Variants in DNAH5 observed in about 807,000 individuals in gnomAD.
DNAH5 encodes the protein axonemal beta dynein heavy chain 5.
A neutral mutation model predicts 518.2 loss-of-function variants in DNAH5; 372 were observed. The ratio of observed to expected loss-of-function variants is 0.72; its 90% CI spans 0.66 to 0.78. The LOEUF (loss-of-function observed/expected upper bound fraction) is 0.78. DNAH5 is among the 30% of genes least tolerant of loss of function. DNAH5 has a pLI of 0.00. For missense variants in DNAH5, 5,523 were observed against 5,687.0 expected (o/e 0.97, Z 0.93); for synonymous variants, 2,039 against 2,025.9 (o/e 1.01, Z -0.17).
At chr5:13,793,368 A>T in intron 49 of DNAH5, 147 bp downstream of exon 49, 1 of 708,490 alleles carries the variant, frequency 1.4e-6, no homozygotes, top group Non-Finnish European at 2.5e-6. Context: ...ATAGGAAATG[A>T]AATACACTGC....
chr5:13,966,226 T>C (rs1032563778), intron 1 of DNAH5, among the ~76,000 whole-genome samples: 2 of 152,162 alleles, frequency 1.3e-5, no homozygotes, highest in Admixed American at 6.5e-5. Context: ...TGTGTATGTG[T>C]GTATATATAT....
intron 76 of DNAH5, among the ~76,000 whole-genome samples, chr5:13,704,282 C>T (rs1209555477): frequency 7.0e-6 from 1 of 142,746 alleles, no homozygotes. Flanking sequence ...AGGGACCACA[C>T]ACTCTCTTCT....
At chr5:13,768,610 T>C (rs1042302569) in intron 58 of DNAH5, among the ~76,000 whole-genome samples, 1 of 152,184 alleles carries the variant, frequency 6.6e-6, no homozygotes, top group Non-Finnish European at 1.5e-5. Context: ...ACCTACTCCA[T>C]TGGCCTCAAT....
chr5:13,750,855 G>A lies in DNAH5; in HGVS notation c.11211+223C>T, dbSNP rs117272959. 6.8e-4 allele frequency among the ~76,000 whole-genome samples: 104 copies of A among 152,132 alleles called. 1 individual carries two copies. In the East Asian group the frequency reaches 0.018, roughly 26 times the overall value. On this transcript the variant is annotated intron_variant, in intron 65 of 78. Transcript: ENST00000265104. ...ATCATCAGTCTGTATAAAGGCAATC[G>A]ATGACATACGTAATTTATGAGACAT... is the stretch of plus-strand genomic sequence containing the variant.
rs371704598 is a variant in DNAH5, at chr5:13,901,558, A to T, written c.1746T>A (p.Asn582Lys). 1.2e-5 allele frequency: 20 copies of T among 1,611,278 alleles called. No individual in the cohort carries two copies. The highest frequency in any genetic ancestry group is 1.7e-5 in the Non-Finnish European group (20 of 1,178,264). ...GTTGATATTTGTCATCAATACCAAG[A>T]TTAGGTATATTCAATCTGATTTTTT... ...LKKFERLNIP[N>K]LGIDDKYQLI... Residue 582 changes from asparagine to lysine, a missense_variant, in exon 14 of 79, where the codon AAT becomes AAA. Transcript: ENST00000265104.
rs117622889 is a variant in DNAH5 at position 13,869,936 on chromosome 5, G to A, written c.3834+831C>T. Among the ~76,000 whole-genome samples the A allele has an allele frequency of 1.1e-3, 166 of 152,182 alleles. 6 individuals carry two copies. In the East Asian group the frequency reaches 0.026, roughly 24 times the overall value. On this transcript the variant is annotated intron_variant, in intron 24 of 78. Transcript: ENST00000265104. Reference sequence around the variant, plus strand: ...TGTTTACTCAAGTGAATCTATTCAAGGGTGTCTGCTTGTAATGAAATCAAC... The same window carrying A: ...TGTTTACTCAAGTGAATCTATTCAAAGGTGTCTGCTTGTAATGAAATCAAC...
In DNAH5 at chr5:13,891,016, T is replaced by C. The variant is rs753950316; in HGVS notation, c.2537A>G (p.Glu846Gly). 4 of 1,614,196 alleles carry C rather than the reference T, an allele frequency of 2.5e-6. No individual in the cohort carries two copies. The South Asian group carries it at 3.3e-5, about 13-fold the overall frequency. The change falls in exon 17 of 79, where the codon GAG becomes GGG. Residue 846 changes from glutamate (E) to glycine (G), a missense_variant. This residue lies in a region of DNAH5 where 5,121 missense variants were observed against 5,223.3 expected (regional missense o/e 0.98). Coordinates refer to ENST00000265104, the MANE Select transcript of DNAH5 (RefSeq NM_001369.3). ...SSTPLCQLPQ[E>G]EPLTCEEFLQ... ...AAACTCTTCACAGGTTAGTGGCTCC[T>C]CCTGGGGAAGCTGACAAAGAGGCGT...
At position 13,871,688 on chromosome 5, in the gene DNAH5, T is replaced by C. The variant is rs1770126679; in HGVS notation, c.3474A>G (p.Thr1158=). The C allele has an allele frequency of 3.1e-6, 5 of 1,613,732 alleles. No individual in the cohort carries two copies. Among genetic ancestry groups the C allele is most frequent in the Admixed American group, 3.3e-5 (2 of 59,920 alleles). ...AAAGCAAGGGGCTCTGTGTAATAAA[T>C]GTCTTAATGGCTTCTTCTTTTCCCT... The part of the protein sequence containing the change: ...WQKGKEEAIK[T]FITQSPLLSE... The change falls in exon 23 of 79, where the codon ACA becomes ACG. Residue 1158 remains threonine (T), a synonymous_variant. Transcript: ENST00000265104.
In DNAH5 at chr5:14,008,721, T is replaced by A. The variant is rs149995186; in HGVS notation, c.12+2927A>T. 5.2e-4 allele frequency among the ~76,000 whole-genome samples: 79 copies of A among 152,002 alleles called. No homozygotes were observed. The East Asian group carries it at 0.015, about 29-fold the overall frequency. On this transcript the variant is annotated intron_variant, in intron 1 of 78. Coordinates refer to the DNAH5 transcript ENST00000681290. ...GAGGAAGAAAAGAAGAAAGGAAAGG[T>A]CATATTCCCCAGAACCTTTCCACAG... is the stretch of plus-strand genomic sequence containing the variant.
chr5:13,877,103 C>G (rs1418539558), intron 21 of DNAH5, among the ~76,000 whole-genome samples: 1 of 152,186 alleles, frequency 6.6e-6, no homozygotes, highest in African/African-American at 2.4e-5. Context: ...CACTGCCGCT[C>G]TCTGGCTATA....
chr5:13,960,840 C>T (rs10077166), intron 1 of DNAH5, among the ~76,000 whole-genome samples: 41,374 of 152,156 alleles, frequency 0.27, 6,000 homozygotes, highest in East Asian at 0.59. Context: ...ACATAGGTGC[C>T]CACGTGTGCC....
intron 61 of DNAH5, among the ~76,000 whole-genome samples, chr5:13,754,908 G>A (rs767181973): frequency 9.2e-5 from 14 of 151,974 alleles, no homozygotes; most frequent in Non-Finnish European, 1.8e-4. Flanking sequence ...GGAAGGCTGC[G>A]AGGTGGGCGG....
Position 13,867,932 on chromosome 5 carries a change from C to T in DNAH5, c.3895G>A (p.Val1299Ile). ...LLIAREEIDKVDTLHYAWEKL... is the reference protein window; with the variant it reads ...LLIAREEIDKIDTLHYAWEKL... ...TCCCAAGCATAGTGCAGTGTATCAA[C>T]TTTGTCTATCTCTTCCCTTGCTATC... The change falls in exon 25 of 79, where the codon GTT becomes ATT. Residue 1299 changes from valine to isoleucine, a missense_variant. Val to Ile is a conservative substitution (Grantham distance 29). This residue lies in a region of DNAH5 where 5,121 missense variants were observed against 5,223.3 expected (regional missense o/e 0.98). Transcript: ENST00000265104. 6.2e-7 allele frequency: 1 copy of T among 1,614,076 alleles called. No homozygotes were observed. Among genetic ancestry groups the T allele is most frequent in the South Asian group, 1.1e-5 (1 of 91,086 alleles).
At chr5:14,006,038 C>G (rs1463555277) in intron 1 of DNAH5, among the ~76,000 whole-genome samples, 3 of 135,960 alleles carry the variant, frequency 2.2e-5, no homozygotes, top group African/African-American at 8.2e-5. Flanking sequence ...AGACCCACAC[C>G]TTTTGTCTTG....
chr5:13,717,331 T>C lies in DNAH5; in HGVS notation c.12689A>G (p.Asp4230Gly). ...TVQFIQNHLDDMDVKKGVSWT... is the reference protein window; with the variant it reads ...TVQFIQNHLDGMDVKKGVSWT... ...CGGCAGTACCTTTTTGACATCCATG[T>C]CATCCAAGTGGTTTTGGATGAACTG... The change falls in exon 73 of 79, where the codon GAC (aspartate) becomes GGC (glycine). Residue 4230 changes from aspartate to glycine, a missense_variant. Around this residue, in one of 3 missense-constraint regions of DNAH5, gnomAD observed 5,121 missense variants for 5,223.3 expected, o/e 0.98. Coordinates refer to ENST00000265104, the MANE Select transcript of DNAH5 (RefSeq NM_001369.3). The C allele has an allele frequency of 2.5e-6, 4 of 1,613,916 alleles. No homozygotes were observed. The highest frequency in any genetic ancestry group is 1.1e-5 in the South Asian group (1 of 91,016).
chr5:13,725,073 G>A (rs555581796), intron 70 of DNAH5, among the ~76,000 whole-genome samples: 1 of 152,302 alleles, frequency 6.6e-6, no homozygotes, highest in South Asian at 2.1e-4. Flanking sequence ...CAGGTTTTAG[G>A]AACAGATCAG....
Position 13,721,111 on chromosome 5 carries a change from T to G in DNAH5, c.12168A>C (p.Thr4056=), listed in dbSNP as rs1443133607. 5 of 1,614,142 alleles carry G rather than the reference T, an allele frequency of 3.1e-6. No homozygotes were observed. In the South Asian group the frequency reaches 5.5e-5, roughly 18 times the overall value. The change falls in exon 71 of 79, where the codon ACA becomes ACC. Residue 4056 remains threonine (T), a synonymous_variant. Coordinates refer to ENST00000265104, the MANE Select transcript of DNAH5 (RefSeq NM_001369.3). ...TCTTCCCCAAGGCAATGATGGAATC[T>G]GTGGGGTCTGAGCCCATAGACAGGA... is the stretch of plus-strand genomic sequence containing the variant. ...ICLLSMGSDP[T]DSIIALGKRL...
In DNAH5 at chr5:13,907,386, G is replaced by A. The variant is rs533181227; in HGVS notation, c.1644+4000C>T. ...GCAGAGGTTGCAGTGAGCCGAGATC[G>A]TGCCACTGCACTCCAGCCTGGGCAA... On this transcript the variant is annotated intron_variant, in intron 12 of 78. Coordinates refer to ENST00000265104, the MANE Select transcript of DNAH5 (RefSeq NM_001369.3). Among the ~76,000 whole-genome samples, 12 of 152,226 alleles carry A rather than the reference G, an allele frequency of 7.9e-5. 1 individual carries two copies. In the East Asian group the frequency reaches 1.2e-3, roughly 15 times the overall value.
At chr5:13,744,622 A>T (rs950820142) in intron 65 of DNAH5, among the ~76,000 whole-genome samples, 4 of 152,110 alleles carry the variant, frequency 2.6e-5, no homozygotes, top group Non-Finnish European at 5.9e-5. Context: ...ACTATATGTC[A>T]ATTAAAAATA....
Sources: allele counts gnomAD v4.1 joint callset (sites outside exome capture counted in the v4.1 genomes callset), GRCh38; gene constraint gnomAD v4.1.1; regional missense constraint gnomAD v4.1.1; transcripts MANE v1.5; gene names NCBI Gene and HGNC (gene_info 2026-07-23, HGNC 2026-07-21).